Variants in PDE1C observed in about 807,000 individuals in gnomAD.
PDE1C encodes the protein dual specificity calcium/calmodulin-dependent 3',5'-cyclic nucleotide phosphodiesterase 1C.
Under a neutral mutation model 93.1 loss-of-function variants are expected in PDE1C, and 62 were observed. The ratio of observed to expected loss-of-function variants is 0.67; its 90% CI spans 0.54 to 0.82. The LOEUF is 0.82. Among genes scored for constraint, PDE1C ranks in the 40% least tolerant of loss-of-function variants. The probability of loss-of-function intolerance (pLI) is 0.00; values close to 1 mark genes in which losing one functional copy is unlikely to be tolerated. For synonymous variants in PDE1C, 325 were observed against 310.1 expected (o/e 1.05, Z -0.50); for missense variants, 742 against 884.6 (o/e 0.84, Z 2.04).
At position 32,327,884 on chromosome 7, in the gene PDE1C, G is replaced by T. The variant is rs183431074; in HGVS notation, c.310+99938C>A. ...TCCATGTTGTTTGCACATAGACATA[G>T]TTCCGTTTTTCTCTGCTGAATTGTG... On this transcript the variant is annotated intron_variant, in intron 1 of 1. Transcript: ENST00000672256. 1.9e-3 allele frequency among the ~76,000 whole-genome samples: 282 copies of T among 151,798 alleles called. 3 individuals carry two copies. The highest frequency in any genetic ancestry group is 6.6e-3 in the African/African-American group (272 of 41,392).
intron 1 of PDE1C, among the ~76,000 whole-genome samples, chr7:32,228,016 C>G (rs1256973282): frequency 6.6e-6 from 1 of 152,234 alleles, no homozygotes; most frequent in Non-Finnish European, 1.5e-5. Context: ...CAAATGTGAT[C>G]TCATGAGAGA....
intron 16 of PDE1C, among the ~76,000 whole-genome samples, chr7:31,781,965 G>A (rs1783452077): frequency 6.6e-6 from 1 of 152,042 alleles, no homozygotes; most frequent in Non-Finnish European, 1.5e-5. Context: ...TGAATGAGGA[G>A]TTAAAAAAAG....
intron 2 of PDE1C, among the ~76,000 whole-genome samples, chr7:31,885,395 C>T (rs554537859): frequency 6.6e-6 from 1 of 152,324 alleles, no homozygotes; most frequent in Admixed American, 6.5e-5. Context: ...AGATGCCTTT[C>T]AGTTAAGACA....
At chr7:31,995,548 T>C (rs990452324) in intron 2 of PDE1C, among the ~76,000 whole-genome samples, 1 of 152,228 alleles carries the variant, frequency 6.6e-6, no homozygotes, top group Non-Finnish European at 1.5e-5. Flanking sequence ...ATTATGTTCC[T>C]ATTTTTGCAT....
rs571067752 is a variant in PDE1C at position 31,766,456 on chromosome 7, C to T, written c.1960+9208G>A. ...GTATAAATAATGATATAATAAATAC[C>T]CATACTCTCAATAAAGTTTAATAAA... On this transcript the variant is annotated intron_variant, in intron 17 of 17. Coordinates refer to ENST00000396191, the MANE Select transcript of PDE1C (RefSeq NM_001191057.4). 2.6e-5 allele frequency among the ~76,000 whole-genome samples: 4 copies of T among 151,974 alleles called. No homozygotes were observed. In the South Asian group the frequency reaches 8.3e-4, roughly 32 times the overall value.
chr7:32,119,787 C>A (rs1379620759), intron 3 of PDE1C, among the ~76,000 whole-genome samples: 12 of 152,188 alleles, frequency 7.9e-5, no homozygotes, highest in Admixed American at 6.5e-4. Context: ...GGGACCCATG[C>A]CTCCAGGGCA....
chr7:31,824,913 T>A lies in PDE1C; in HGVS notation c.1360A>T (p.Ile454Phe). The A allele has an allele frequency of 6.2e-7, 1 of 1,613,376 alleles. No individual in the cohort carries two copies. Among genetic ancestry groups the A allele is most frequent in the South Asian group, 1.1e-5 (1 of 91,048 alleles). ...CCACCAGTTTGAGAGGTTTCATCGA[T>A]TAATGGACTCACAATCTTCTCGGTC... ...DMTEKIVSPL[I>F]DETSQTGGTG... Residue 454 changes from isoleucine to phenylalanine, a missense_variant, in exon 13 of 18, where the codon ATC becomes TTC. Coordinates refer to ENST00000396191, the MANE Select transcript of PDE1C (RefSeq NM_001191057.4).
At chr7:31,847,296 A>G (rs1022726070) in intron 9 of PDE1C, among the ~76,000 whole-genome samples, 1 of 152,308 alleles carries the variant, frequency 6.6e-6, no homozygotes, top group East Asian at 1.9e-4. Flanking sequence ...CGAATGTCAT[A>G]CAGCTAGTAA....
intron 7 of PDE1C, among the ~76,000 whole-genome samples, chr7:31,862,852 A>G (rs968815728): frequency 2.6e-5 from 4 of 152,130 alleles, no homozygotes; most frequent in African/African-American, 9.7e-5. Context: ...ATATTTGCCT[A>G]TTTTTTCACA....
At chr7:32,304,653 A>G (rs1812953660) in intron 1 of PDE1C, among the ~76,000 whole-genome samples, 1 of 152,208 alleles carries the variant, frequency 6.6e-6, no homozygotes, top group Non-Finnish European at 1.5e-5. Flanking sequence ...AAAATGAAAC[A>G]AAAAGCTCCT....
intron 1 of PDE1C, among the ~76,000 whole-genome samples, chr7:32,239,009 G>T (rs541903859): frequency 6.6e-6 from 1 of 152,338 alleles, no homozygotes; most frequent in South Asian, 2.1e-4. Context: ...GCTCATGCCT[G>T]TAATACCAGC....
chr7:32,098,223 C>A (rs546583703), intron 3 of PDE1C, among the ~76,000 whole-genome samples: 1 of 25,124 alleles, frequency 4.0e-5, no homozygotes, highest in Non-Finnish European at 1.2e-4. Flanking sequence ...GAGCGAGACT[C>A]CGTCTCAAAA....
At chr7:32,166,885 A>G (rs1802317197) in intron 3 of PDE1C, among the ~76,000 whole-genome samples, 1 of 152,160 alleles carries the variant, frequency 6.6e-6, no homozygotes, top group Non-Finnish European at 1.5e-5. Flanking sequence ...TGATAAAGTA[A>G]GACTTAAAGT....
chr7:31,618,619 C>T, the PDE1C span, among the ~76,000 whole-genome samples: 264 of 152,292 alleles, frequency 1.7e-3, no homozygotes, highest in African/African-American at 6.0e-3. Context: ...ATTTCATAAA[C>T]TCCCCTCCAT....
intron 2 of PDE1C, among the ~76,000 whole-genome samples, chr7:32,049,555 T>C (rs1410453857): frequency 6.6e-6 from 1 of 152,108 alleles, no homozygotes; most frequent in Non-Finnish European, 1.5e-5. Flanking sequence ...TTCTCTCCAC[T>C]GGACACCCCT....
At chr7:31,879,212 T>C (rs1796961549) in intron 3 of PDE1C, 34 bp from the exon 4 acceptor site, 2 of 1,586,398 alleles carry the variant, frequency 1.3e-6, no homozygotes, top group African/African-American at 1.3e-5. Flanking sequence ...CACACTGAGA[T>C]TAAATCTGAA....
rs1562660709 is a variant in PDE1C at position 32,298,212 on chromosome 7, G to A, written c.85+439C>T. ...CCTAGGTGTTTCTATCAGTGTCCCCGTGTCTGGATGTTCCTGCCGCTCTGT... is the reference window on the plus strand; with the variant it reads ...CCTAGGTGTTTCTATCAGTGTCCCCATGTCTGGATGTTCCTGCCGCTCTGT... On this transcript the variant is annotated intron_variant, in intron 1 of 18. Transcript: ENST00000396193. Among the ~76,000 whole-genome samples, 3 of 151,762 alleles carry A rather than the reference G, an allele frequency of 2.0e-5. No homozygotes were observed. In the South Asian group the frequency reaches 6.3e-4, roughly 32 times the overall value.
intron 2 of PDE1C, among the ~76,000 whole-genome samples, chr7:32,199,458 C>G (rs866342741): frequency 6.6e-5 from 10 of 152,178 alleles, no homozygotes; most frequent in African/African-American, 2.4e-4. Flanking sequence ...CAGTGTTTGA[C>G]CATTCTTTTA....
At chr7:31,689,727 C>T in the PDE1C span, among the ~76,000 whole-genome samples, 1 of 152,118 alleles carries the variant, frequency 6.6e-6, no homozygotes. Flanking sequence ...CTTTCCCCTC[C>T]ACTTGCTTGT....
Sources: gnomAD v4.1 joint callset for allele counts (sites outside exome capture counted in the v4.1 genomes callset) on GRCh38, gnomAD v4.1.1 for gene constraint, MANE v1.5 for transcripts, NCBI Gene and HGNC (gene_info 2026-07-23, HGNC 2026-07-21) for gene names.